The following IL1RAPL2 variants were observed in gnomAD, a reference collection of about 807,000 sequenced individuals.
The protein encoded by IL1RAPL2 is X-linked interleukin-1 receptor accessory protein-like 2.
In IL1RAPL2, 3 loss-of-function variants were observed where a neutral mutation model predicts 44.1. The ratio of observed to expected loss-of-function variants is 0.07; its 90% CI spans 0.03 to 0.18. The LOEUF (loss-of-function observed/expected upper bound fraction) is 0.18, where lower values mean the gene tolerates loss of function less well. IL1RAPL2 is among the 10% of genes least tolerant of loss of function. The probability of loss-of-function intolerance (pLI) is 1.00; values close to 1 mark genes in which losing one functional copy is unlikely to be tolerated. For missense variants in IL1RAPL2, 391 were observed against 496.4 expected (o/e 0.79, Z 2.02); for synonymous variants, 181 against 178.8 (o/e 1.01, Z -0.10).
chrX:105,627,195 A>G (rs2037459076), intron 6 of IL1RAPL2, among the ~76,000 whole-genome samples: 1 of 111,844 alleles, frequency 8.9e-6, no homozygotes, highest in African/African-American at 3.2e-5. Flanking sequence ...CAACAAAACA[A>G]TAACTAATTA....
At chrX:105,674,375 T>A (rs1238741774) in intron 6 of IL1RAPL2, among the ~76,000 whole-genome samples, 1 of 112,056 alleles carries the variant, frequency 8.9e-6, no homozygotes, top group African/African-American at 3.2e-5. Context: ...CCAGTCTCAA[T>A]TTTGAACAAA....
intron 2 of IL1RAPL2, among the ~76,000 whole-genome samples, chrX:104,904,107 C>G (rs1354319317): frequency 9.2e-6 from 1 of 109,208 alleles, no homozygotes; most frequent in East Asian, 2.9e-4. Flanking sequence ...CACAAATATC[C>G]CTCTCTCCTT....
chrX:105,508,607 T>G (rs2036447574), intron 6 of IL1RAPL2, among the ~76,000 whole-genome samples: 1 of 109,394 alleles, frequency 9.1e-6, no homozygotes, highest in African/African-American at 3.3e-5. Flanking sequence ...GAAAGAACAG[T>G]TGTGAAGCCA....
At chrX:105,211,616 G>T (rs782083157) in intron 3 of IL1RAPL2, among the ~76,000 whole-genome samples, 1 of 111,277 alleles carries the variant, frequency 9.0e-6, no homozygotes, top group South Asian at 3.9e-4. Context: ...CATATTATTT[G>T]ATGGTCTCTT....
intron 2 of IL1RAPL2, among the ~76,000 whole-genome samples, chrX:105,046,849 G>C (rs750739475): frequency 1.1e-5 from 1 of 91,476 alleles, no homozygotes; most frequent in African/African-American, 4.2e-5. Flanking sequence ...GGGGGTGCTA[G>C]ACCTAGTAAA....
intron 2 of IL1RAPL2, among the ~76,000 whole-genome samples, chrX:104,843,455 T>G (rs746653902): frequency 2.7e-5 from 3 of 110,855 alleles, no homozygotes; most frequent in Middle Eastern, 4.6e-3. Flanking sequence ...CACTGGAGTA[T>G]GAAAAAACTC....
At chrX:105,596,034 T>G (rs1429764511) in intron 6 of IL1RAPL2, among the ~76,000 whole-genome samples, 1 of 111,119 alleles carries the variant, frequency 9.0e-6, no homozygotes, top group African/African-American at 3.3e-5. Context: ...AGTCTTCTCT[T>G]TTTTAGTTAG....
chrX:105,247,573 T>A (rs1424153079), intron 4 of IL1RAPL2, among the ~76,000 whole-genome samples: 1 of 104,304 alleles, frequency 9.6e-6, no homozygotes. Flanking sequence ...GACCACTAAA[T>A]AGAATAGAAG....
chrX:105,685,586 T>C (rs1019588430), intron 6 of IL1RAPL2, among the ~76,000 whole-genome samples: 1 of 111,958 alleles, frequency 8.9e-6, no homozygotes, highest in African/African-American at 3.2e-5. Flanking sequence ...TTGGTGTACC[T>C]GAACGTGATG....
At chrX:105,666,171 C>A (rs2037766726) in intron 6 of IL1RAPL2, among the ~76,000 whole-genome samples, 1 of 109,973 alleles carries the variant, frequency 9.1e-6, no homozygotes, top group South Asian at 3.9e-4. Context: ...AATAAAAAAC[C>A]CACATAGCTT....
chrX:105,012,289 G>T (rs1351525766), intron 2 of IL1RAPL2, among the ~76,000 whole-genome samples: 1 of 110,106 alleles, frequency 9.1e-6, no homozygotes, highest in African/African-American at 3.3e-5. Flanking sequence ...TTTTCCCTGG[G>T]ATGCACAAAT....
At chrX:105,024,187 C>T (rs1197520213) in intron 2 of IL1RAPL2, among the ~76,000 whole-genome samples, 1 of 111,478 alleles carries the variant, frequency 9.0e-6, no homozygotes, top group Admixed American at 9.6e-5. Flanking sequence ...TCTAACAGTT[C>T]ACTTAACGAG....
chrX:104,993,840 G>A lies in IL1RAPL2; in HGVS notation c.83-201635G>A, dbSNP rs1243804180. On this transcript the variant is annotated intron_variant, in intron 2 of 10. Transcript: ENST00000372582. Reference sequence around the variant, plus strand: ...GTAATAAAGCCAAGATGTGAACTTCGGCTGTCTGAGTCTAGAGAACTCACT... The same window carrying A: ...GTAATAAAGCCAAGATGTGAACTTCAGCTGTCTGAGTCTAGAGAACTCACT... Among the ~76,000 whole-genome samples the A allele has an allele frequency of 3.6e-5, 4 of 111,476 alleles. No individual in the cohort carries two copies. In the East Asian group the frequency reaches 1.1e-3, roughly 32 times the overall value.
intron 1 of IL1RAPL2, among the ~76,000 whole-genome samples, chrX:104,568,203 CCTTT>C (rs1928077861): frequency 9.1e-6 from 1 of 110,496 alleles, no homozygotes; most frequent in African/African-American, 3.3e-5. Flanking sequence ...AAGGAATCCT[CCTTT>C]CTTTTCCTGG....
At chrX:105,410,713 G>A (rs945807097) in intron 5 of IL1RAPL2, among the ~76,000 whole-genome samples, 2 of 111,798 alleles carry the variant, frequency 1.8e-5, no homozygotes, top group Non-Finnish European at 3.8e-5. Flanking sequence ...AACCCCCTGA[G>A]AGAAGGAAAG....
intron 2 of IL1RAPL2, among the ~76,000 whole-genome samples, chrX:104,715,982 A>G (rs190278584): frequency 9.9e-5 from 11 of 111,616 alleles, no homozygotes; most frequent in African/African-American, 2.9e-4. Flanking sequence ...AGCCAAGGTA[A>G]TCCTAAGAAA....
rs148318649 is a variant in IL1RAPL2 at position 105,189,015 on chromosome X, G to A, written c.83-6460G>A. Among the ~76,000 whole-genome samples the A allele has an allele frequency of 6.1e-3, 681 of 111,734 alleles. 7 individuals carry two copies. The highest frequency in any genetic ancestry group is 0.021 in the African/African-American group (635 of 30,742). On this transcript the variant is annotated intron_variant, in intron 2 of 10. Coordinates refer to ENST00000372582, the MANE Select transcript of IL1RAPL2 (RefSeq NM_017416.2). ...TGTGGAGTGCCCATTTGAGGCAGAC[G>A]GAGTCCACTGTGCTGGGTATAAACA...
At chrX:105,629,549 C>A (rs2037477720) in intron 6 of IL1RAPL2, among the ~76,000 whole-genome samples, 1 of 111,509 alleles carries the variant, frequency 9.0e-6, no homozygotes, top group Non-Finnish European at 1.9e-5. Context: ...CTTGCCACAA[C>A]AGTTTGCTTT....
At chrX:105,047,929 G>A (rs1202550665) in intron 2 of IL1RAPL2, among the ~76,000 whole-genome samples, 1 of 111,665 alleles carries the variant, frequency 9.0e-6, no homozygotes, top group Non-Finnish European at 1.9e-5. Flanking sequence ...GAAAAGAAGA[G>A]AGATAGAAAG....
Sources: allele counts gnomAD v4.1 joint callset (sites outside exome capture counted in the v4.1 genomes callset), GRCh38; gene constraint gnomAD v4.1.1; transcripts MANE v1.5; gene names NCBI Gene and HGNC (gene_info 2026-07-23, HGNC 2026-07-21).